SKIL: variants seen among roughly 807,000 people sequenced by gnomAD.
SKIL encodes ski-like protein.
In SKIL, 20 loss-of-function variants were observed where a neutral mutation model predicts 69.6. The observed-to-expected ratio is 0.29, with a 90% CI of 0.20 to 0.42. SKIL has a LOEUF of 0.42. SKIL is among the 10% of genes least tolerant of loss of function. The pLI is 1.00. For synonymous variants in SKIL, 310 were observed against 279.9 expected, an observed-to-expected ratio of 1.11 and a Z score of -1.08; for missense variants, 745 against 783.1, an observed-to-expected ratio of 0.95 and a Z score of 0.58.
At chr3:170,381,546 C>T (rs939367419) in intron 3 of SKIL, among the ~76,000 whole-genome samples, 3 of 152,000 alleles carry the variant, frequency 2.0e-5, no homozygotes, top group Non-Finnish European at 4.4e-5. Flanking sequence ...GATTCTCCTG[C>T]CTCAGCCTCC....
In SKIL at chr3:170,393,118, T is replaced by G. The variant is rs892832168; in HGVS notation, c.*701T>G. The G allele has an allele frequency of 2.0e-5, 3 of 152,196 alleles. No individual in the cohort carries two copies. The highest frequency in any genetic ancestry group is 7.2e-5 in the African/African-American group (3 of 41,456). 9.4% of individuals were successfully genotyped at this position (152,196 alleles called of 1,614,324 possible). A position where few individuals can be genotyped will look rare whatever the true frequency, so the allele number is the denominator to read the frequency against. On this transcript the variant is annotated 3_prime_UTR_variant, in exon 7 of 7. Transcript: ENST00000259119. ...TAAATGTGGTTATAGTTAGATTTTT[T>G]TTTAAGCAGCAACTTTTCAAAAATA...
intron 4 of SKIL, among the ~76,000 whole-genome samples, chr3:170,385,933 C>G (rs1416205884): frequency 6.6e-6 from 1 of 150,558 alleles, no homozygotes; most frequent in African/African-American, 2.4e-5. Context: ...GCTGAGATTA[C>G]AGGCATGCAC....
chr3:170,396,828 C>A lies in SKIL; in HGVS notation c.*4411C>A, dbSNP rs752299096. 1 of 152,058 alleles carries A rather than the reference C, an allele frequency of 6.6e-6. No individual in the cohort carries two copies. The highest frequency in any genetic ancestry group is 1.5e-5 in the Non-Finnish European group (1 of 68,020). 9.4% of individuals were successfully genotyped at this position (152,058 alleles called of 1,614,324 possible). A position where few individuals can be genotyped will look rare whatever the true frequency, so the allele number is the denominator to read the frequency against. On this transcript the variant is annotated 3_prime_UTR_variant, in exon 7 of 7. Coordinates refer to ENST00000259119, the MANE Select transcript of SKIL (RefSeq NM_005414.5). Reference sequence around the variant, plus strand: ...AATACTAAATAAAAACTTTTAATGCCAATTAAATTTGATTCAAGTTATTTC... The same window carrying A: ...AATACTAAATAAAAACTTTTAATGCAAATTAAATTTGATTCAAGTTATTTC...
chr3:170,365,751 G>GATTTTTTTTT (rs1560207824), intron 2 of SKIL, among the ~76,000 whole-genome samples: 1 of 92,444 alleles, frequency 1.1e-5, no homozygotes, highest in African/African-American at 5.3e-5. Flanking sequence ...GTCAAACTAG[G>GATTTTTTTTT]CTTTTTTTTT....
intron 2 of SKIL, among the ~76,000 whole-genome samples, chr3:170,367,531 A>G (rs907793365): frequency 1.5e-4 from 23 of 149,364 alleles, no homozygotes; most frequent in African/African-American, 5.7e-4. Flanking sequence ...CAATGGCGCA[A>G]TCTTGGCTCA....
intron 3 of SKIL, among the ~76,000 whole-genome samples, chr3:170,382,126 C>T (rs1038797710): frequency 2.6e-5 from 4 of 151,786 alleles, no homozygotes; most frequent in South Asian, 2.1e-4. Context: ...TAAATAAGTA[C>T]ATTGGTATTT....
In SKIL at chr3:170,391,171, T is replaced by G. The variant is rs1297658091; in HGVS notation, c.1807T>G (p.Leu603Val). The G allele has an allele frequency of 1.2e-6, 2 of 1,612,008 alleles. No homozygotes were observed. The highest frequency in any genetic ancestry group is 1.3e-5 in the African/African-American group (1 of 74,856). Residue 603 changes from leucine (L) to valine (V), a missense_variant, in exon 6 of 7, where the codon TTA becomes GTA. Coordinates refer to ENST00000259119, the MANE Select transcript of SKIL (RefSeq NM_005414.5). ...AGAATTTTATGTTGAACAGAAAGAC[T>G]TAGAGAAAAAATTGGAGCAGATAAT... ...MEEFYVEQKD[L>V]EKKLEQIMKQ... is the part of the protein sequence containing the mutation.
At position 170,361,054 on chromosome 3, in the gene SKIL, A is replaced by G. The variant is rs1363162959; in HGVS notation, c.723A>G (p.Gln241=). Residue 241 remains glutamine, a synonymous_variant, in exon 2 of 7, where the codon CAA becomes CAG. Coordinates refer to ENST00000259119, the MANE Select transcript of SKIL (RefSeq NM_005414.5). The part of the protein sequence containing the change: ...NALLRPRTFP[Q]NGSVLPAKSS... Reference sequence around the variant, plus strand: ...TATTGCGGCCACGAACTTTTCCTCAAAATGGTAGCGTACTTCCTGCTAAAA... The same window carrying G: ...TATTGCGGCCACGAACTTTTCCTCAGAATGGTAGCGTACTTCCTGCTAAAA... 1.2e-6 allele frequency: 2 copies of G among 1,614,230 alleles called. No individual in the cohort carries two copies. The highest frequency in any genetic ancestry group is 1.3e-5 in the African/African-American group (1 of 75,060).
intron 1 of SKIL, chr3:170,358,451 C>T (rs1033154250): frequency 6.6e-6 from 1 of 152,482 alleles, no homozygotes; most frequent in African/African-American, 2.4e-5. Flanking sequence ...CTTGTTCTCC[C>T]TCTCTCCGGG....
intron 2 of SKIL, among the ~76,000 whole-genome samples, chr3:170,362,155 C>A (rs1013791432): frequency 7.9e-5 from 12 of 151,374 alleles, no homozygotes; most frequent in African/African-American, 2.4e-5. Context: ...AAAGGAATAA[C>A]AAAAAAAATG....
chr3:170,373,068 A>G (rs1462882432), intron 2 of SKIL, among the ~76,000 whole-genome samples: 1 of 148,454 alleles, frequency 6.7e-6, no homozygotes, highest in Non-Finnish European at 1.5e-5. Flanking sequence ...GCTCACAGCA[A>G]CCTCGACAAC....
chr3:170,387,774 A>AAAAAAAAAT (rs61378621), intron 4 of SKIL, among the ~76,000 whole-genome samples: 17 of 123,584 alleles, frequency 1.4e-4, no homozygotes, highest in Admixed American at 1.2e-3. Context: ...AAAAAAAAAA[A>AAAAAAAAAT]TACAAAAAAA....
intron 3 of SKIL, 51 bp from the exon 4 acceptor site, chr3:170,384,482 C>A: frequency 1.2e-6 from 1 of 806,204 alleles, no homozygotes; most frequent in South Asian, 2.1e-5. Flanking sequence ...TTGATTTTTA[C>A]TTAATTGTAA....
In SKIL at chr3:170,360,771, CTG is replaced by C. The variant is rs1216414666; in HGVS notation, c.444_445del (p.Leu149GlyfsTer39). On this transcript the variant is annotated frameshift_variant, in exon 2 of 7. Coordinates refer to ENST00000259119, the MANE Select transcript of SKIL (RefSeq NM_005414.5). LOFTEE classifies it high-confidence loss of function. ...GATAGCTCCACAGAACTCACTCAGA[CTG>C]TGTTGGAAGGGGAATCTATTTCTTG... The C allele has an allele frequency of 6.2e-7, 1 of 1,614,172 alleles. No homozygotes were observed.
At chr3:170,383,808 C>T (rs1434179187) in intron 3 of SKIL, among the ~76,000 whole-genome samples, 1 of 152,100 alleles carries the variant, frequency 6.6e-6, no homozygotes. Context: ...GCCACTGAAG[C>T]AGCCTCACCA....
intron 3 of SKIL, among the ~76,000 whole-genome samples, chr3:170,382,442 T>G (rs1737403063): frequency 7.0e-6 from 1 of 142,726 alleles, no homozygotes; most frequent in Admixed American, 7.3e-5. Context: ...TGAGACAAAG[T>G]CTCACTGTGT....
At position 170,393,473 on chromosome 3, in the gene SKIL, A is replaced by G. The variant is rs967291115; in HGVS notation, c.*1056A>G. 6.6e-6 allele frequency: 1 copy of G among 152,206 alleles called. No homozygotes were observed. Among genetic ancestry groups the G allele is most frequent in the African/African-American group, 2.4e-5 (1 of 41,460 alleles). The allele number at this position is 152,206 out of a possible 1,614,324, so 9.4% of individuals were successfully genotyped here. ...ATTTACAGTCAACTGATAGTACATG[A>G]TAGGTGCATATAGGACAGTTTAGTT... On this transcript the variant is annotated 3_prime_UTR_variant, in exon 7 of 7. Coordinates refer to ENST00000259119, the MANE Select transcript of SKIL (RefSeq NM_005414.5).
At chr3:170,362,151 A>C (rs2108892260) in intron 2 of SKIL, among the ~76,000 whole-genome samples, 1 of 152,340 alleles carries the variant, frequency 6.6e-6, no homozygotes, top group South Asian at 2.1e-4. Flanking sequence ...TTTGAAAGGA[A>C]TAACAAAAAA....
chr3:170,366,048 G>A (rs548770358), intron 2 of SKIL, among the ~76,000 whole-genome samples: 11 of 147,756 alleles, frequency 7.4e-5, no homozygotes, highest in African/African-American at 2.5e-4. Flanking sequence ...GAGCCATTGC[G>A]CCTGGCCTTT....
Sources: gnomAD v4.1 joint callset for allele counts (sites outside exome capture counted in the v4.1 genomes callset) on GRCh38, gnomAD v4.1.1 for gene constraint, MANE v1.5 for transcripts, NCBI Gene and HGNC (gene_info 2026-07-23, HGNC 2026-07-21) for gene names.